The following ARNT2 variants were observed in gnomAD, a reference collection of about 807,000 sequenced individuals.
The protein encoded by ARNT2 is ARNT protein 2.
A neutral mutation model predicts 91.7 loss-of-function variants in ARNT2; 36 were observed. That is an observed-to-expected ratio of 0.39 (90% CI 0.30 to 0.52). The LOEUF is 0.52. Ranked by LOEUF, ARNT2 falls within the 20% of genes least tolerant of loss-of-function variation. ARNT2 has a pLI of 0.72. For missense variants in ARNT2, 775 were observed against 939.3 expected, an observed-to-expected ratio of 0.83 and a Z score of 2.29; for synonymous variants, 365 against 347.1, an observed-to-expected ratio of 1.05 and a Z score of -0.57.
intron 3 of ARNT2, among the ~76,000 whole-genome samples, chr15:80,469,678 G>C (rs1052798135): frequency 6.6e-6 from 1 of 152,088 alleles, no homozygotes; most frequent in East Asian, 1.9e-4. Flanking sequence ...GCAGTGGTGC[G>C]ATCTCAGCTT....
In ARNT2 at chr15:80,404,585, G is replaced by A. The variant is rs1425948982; in HGVS notation, c.31+39G>A. On this transcript the variant is annotated intron_variant, in intron 1 of 18. Transcript: ENST00000303329. The surrounding 1 kb of genome is among the most constrained non-coding windows in gnomAD (Gnocchi z 5.5). ...TGGGCCCCGCCGCCCGCCGCAGCCC[G>A]CAGGCCTTGCCCGGGGCCGGAGCGG... is the stretch of plus-strand genomic sequence containing the variant. 7 of 1,055,452 alleles carry A rather than the reference G, an allele frequency of 6.6e-6. No homozygotes were observed. Among genetic ancestry groups the A allele is most frequent in the Non-Finnish European group, 6.9e-6 (6 of 875,642 alleles). The allele number at this position is 1,055,452 out of a possible 1,614,324, so 65.4% of individuals were successfully genotyped here. A position where few individuals can be genotyped will look rare whatever the true frequency, so the allele number is the denominator to read the frequency against.
chr15:80,456,473 G>A lies in ARNT2; in HGVS notation c.147-1456G>A, dbSNP rs980283472. ...GTCAGGTCATTCCAAACAAAATAAGGCCAAGATTAGGACTTTGGCTACGCA... is the reference window on the plus strand; with the variant it reads ...GTCAGGTCATTCCAAACAAAATAAGACCAAGATTAGGACTTTGGCTACGCA... On this transcript the variant is annotated intron_variant, in intron 2 of 18. Coordinates refer to ENST00000303329, the MANE Select transcript of ARNT2 (RefSeq NM_014862.4). Among the ~76,000 whole-genome samples, 39 of 152,020 alleles carry A rather than the reference G, an allele frequency of 2.6e-4. 1 individual carries two copies. The highest frequency in any genetic ancestry group is 9.4e-4 in the African/African-American group (39 of 41,368).
At chr15:80,544,492 A>G (rs1320881831) in intron 8 of ARNT2, among the ~76,000 whole-genome samples, 1 of 152,132 alleles carries the variant, frequency 6.6e-6, no homozygotes, top group African/African-American at 2.4e-5. Flanking sequence ...TTTGTTTCTG[A>G]CAAGAAGGTA....
Position 80,408,372 on chromosome 15 carries a change from A to G in ARNT2, c.31+3826A>G, listed in dbSNP as rs571607564. Among the ~76,000 whole-genome samples, 13 of 152,336 alleles carry G rather than the reference A, an allele frequency of 8.5e-5. No individual in the cohort carries two copies. The East Asian group carries it at 1.2e-3, about 14-fold the overall frequency. On this transcript the variant is annotated intron_variant, in intron 1 of 18. Coordinates refer to ENST00000303329, the MANE Select transcript of ARNT2 (RefSeq NM_014862.4). ...ATGAACGTTGACTAGGCATGTTCAT[A>G]TCATCATGGGGAGCCAGAGGAAGTC... is the stretch of plus-strand genomic sequence containing the variant.
At chr15:80,487,406 G>A (rs1451012202) in intron 5 of ARNT2, among the ~76,000 whole-genome samples, 2 of 152,184 alleles carry the variant, frequency 1.3e-5, no homozygotes, top group Non-Finnish European at 1.5e-5. Context: ...GGGGCGCGTG[G>A]AGGGGTCAAG....
In ARNT2 at chr15:80,594,752, G is replaced by A. The variant is rs189688596; in HGVS notation, c.*1054G>A. ...AGGACAGCACGCCTTGAGGTCAGAG[G>A]CCTGGCCCTTCTTTACAGATGTAGA... On this transcript the variant is annotated 3_prime_UTR_variant, in exon 19 of 19. Transcript: ENST00000303329. The A allele has an allele frequency of 1.9e-3, 286 of 152,444 alleles. 1 individual carries two copies. Among genetic ancestry groups the A allele is most frequent in the Non-Finnish European group, 2.3e-3 (160 of 68,112 alleles). The allele number at this position is 152,444 out of a possible 1,614,324, so 9.4% of individuals were successfully genotyped here. A position where few individuals can be genotyped will look rare whatever the true frequency, so the allele number is the denominator to read the frequency against.
intron 1 of ARNT2, among the ~76,000 whole-genome samples, chr15:80,432,159 G>A (rs73484933): frequency 0.016 from 2,451 of 152,294 alleles, 83 homozygotes; most frequent in African/African-American, 0.057. Flanking sequence ...CTGCTCCCTG[G>A]AGGGTGTGGA....
At chr15:80,546,417 A>G (rs1167889119) in intron 8 of ARNT2, among the ~76,000 whole-genome samples, 1 of 152,244 alleles carries the variant, frequency 6.6e-6, no homozygotes, top group Non-Finnish European at 1.5e-5. Flanking sequence ...TGGAGCAGGC[A>G]CATTGCCGCT....
rs189453665 is a variant in ARNT2 at position 80,508,895 on chromosome 15, G to A, written c.725+637G>A. 3.9e-5 allele frequency among the ~76,000 whole-genome samples: 6 copies of A among 152,266 alleles called. No individual in the cohort carries two copies. The East Asian group carries it at 9.7e-4, about 25-fold the overall frequency. On this transcript the variant is annotated intron_variant, in intron 6 of 18. Coordinates refer to ENST00000303329, the MANE Select transcript of ARNT2 (RefSeq NM_014862.4). ...CCATGTCGTTGAAGAAGAGAGAGCT[G>A]GGATCTTGAATCCTCCAGTCCAGTT...
At chr15:80,495,496 G>A (rs994027296) in intron 5 of ARNT2, among the ~76,000 whole-genome samples, 2 of 152,158 alleles carry the variant, frequency 1.3e-5, no homozygotes, top group Non-Finnish European at 2.9e-5. Flanking sequence ...ATTTTCCTAG[G>A]CAGTTCCGGG....
At position 80,505,930 on chromosome 15, in the gene ARNT2, T is replaced by G. The variant is rs1415482811; in HGVS notation, c.623-2226T>G. 2.5e-5 allele frequency among the ~76,000 whole-genome samples: 3 copies of G among 121,588 alleles called. 1 individual carries two copies. Among genetic ancestry groups the G allele is most frequent in the Admixed American group, 1.5e-4 (2 of 13,382 alleles). The allele number at this position is 121,588 out of a possible 152,430, so 79.8% of individuals were successfully genotyped here. ...AAAATGATTCCCAACATTTGTTGTT[T>G]TTTTTTTTTTTTTTTTTGAGACGGA... On this transcript the variant is annotated intron_variant, in intron 5 of 18. Coordinates refer to ENST00000303329, the MANE Select transcript of ARNT2 (RefSeq NM_014862.4).
chr15:80,522,755 A>G (rs902729842), intron 8 of ARNT2, among the ~76,000 whole-genome samples: 1 of 127,246 alleles, frequency 7.9e-6, no homozygotes, highest in African/African-American at 3.2e-5. Flanking sequence ...GTGACTGTAC[A>G]TACACATATA....
rs374131133 is a variant in ARNT2 at position 80,561,008 on chromosome 15, TGG to T, written c.1165-2077_1165-2076del. ...GAGGGAGGATGGCCAGCCCCAGCCG[TGG>T]GGCCAGCACACCATTGAGTCCCTGC... On this transcript the variant is annotated intron_variant, in intron 11 of 18. Transcript: ENST00000303329. 3.8e-3 allele frequency among the ~76,000 whole-genome samples: 585 copies of T among 152,212 alleles called. 4 individuals are homozygous for T. The highest frequency in any genetic ancestry group is 0.013 in the African/African-American group (541 of 41,520).
At chr15:80,461,419 G>A (rs1056111823) in intron 3 of ARNT2, among the ~76,000 whole-genome samples, 1 of 152,228 alleles carries the variant, frequency 6.6e-6, no homozygotes, top group African/African-American at 2.4e-5. Context: ...CCGGAGGAGT[G>A]AGAAGAGAAT....
chr15:80,470,520 AG>A (rs1896718660), intron 4 of ARNT2, 89 bp downstream of exon 4: 1 of 1,372,580 alleles, frequency 7.3e-7, no homozygotes. Context: ...CCAGGGCTCA[AG>A]GTTGAGGAAG....
chr15:80,431,747 A>T lies in ARNT2; in HGVS notation c.32-19133A>T, dbSNP rs184588524. On this transcript the variant is annotated intron_variant, in intron 1 of 18. Transcript: ENST00000303329. The stretch of plus-strand genomic sequence containing the variant: ...CCCTACTTATCCAGCAGGGATCCTC[A>T]TTAGGGGACACTGGCCTACCAGCTC... Among the ~76,000 whole-genome samples, 236 of 152,144 alleles carry T rather than the reference A, an allele frequency of 1.6e-3. 1 individual carries two copies. The highest frequency in any genetic ancestry group is 5.5e-3 in the African/African-American group (228 of 41,512).
In ARNT2 at chr15:80,592,484, G is replaced by T. The variant is rs369784776; in HGVS notation, c.2055+780G>T. On this transcript the variant is annotated intron_variant, in intron 18 of 18. Coordinates refer to ENST00000303329, the MANE Select transcript of ARNT2 (RefSeq NM_014862.4). ...GCCTGCCCTGCAAAGCAATGATAGG[G>T]GCAGGAACCACATCGTGGGAGGGTT... Among the ~76,000 whole-genome samples the T allele has an allele frequency of 2.0e-5, 3 of 152,168 alleles. No individual in the cohort carries two copies. In the East Asian group the frequency reaches 5.8e-4, roughly 29 times the overall value.
chr15:80,505,927 G>GTTTTTTTTTTTTTTT lies in ARNT2; in HGVS notation c.623-2223_623-2209dup, dbSNP rs1161520898. Among the ~76,000 whole-genome samples the GTTTTTTTTTTTTTTT allele has an allele frequency of 1.1e-3, 98 of 88,930 alleles. 13 individuals are homozygous for GTTTTTTTTTTTTTTT. Among genetic ancestry groups the GTTTTTTTTTTTTTTT allele is most frequent in the African/African-American group, 1.4e-3 (34 of 23,472 alleles). The allele number at this position is 88,930 out of a possible 152,430, so 58.3% of individuals were successfully genotyped here. Reference sequence around the variant, plus strand: ...GAAAAAATGATTCCCAACATTTGTTGTTTTTTTTTTTTTTTTTTTTGAGAC... The same window carrying GTTTTTTTTTTTTTTT: ...GAAAAAATGATTCCCAACATTTGTTGTTTTTTTTTTTTTTTTTTTTTTTTTTTTTTTTTTTGAGAC... On this transcript the variant is annotated intron_variant, in intron 5 of 18. Coordinates refer to ENST00000303329, the MANE Select transcript of ARNT2 (RefSeq NM_014862.4).
intron 2 of ARNT2, among the ~76,000 whole-genome samples, chr15:80,452,142 G>GA (rs1896402906): frequency 1.3e-5 from 2 of 152,294 alleles, no homozygotes; most frequent in South Asian, 4.1e-4. Flanking sequence ...TTTTAGGTTG[G>GA]AAAAAAGACT....
Sources: gnomAD v4.1 joint callset for allele counts (sites outside exome capture counted in the v4.1 genomes callset) on GRCh38, gnomAD v4.1.1 for gene constraint, Gnocchi (gnomAD v3.1) non-coding constraint, MANE v1.5 for transcripts, NCBI Gene and HGNC (gene_info 2026-07-23, HGNC 2026-07-21) for gene names.